Variants in SCN8A observed in about 807,000 individuals in gnomAD.
The protein encoded by SCN8A is sodium voltage-gated channel alpha subunit 8, also known as sodium channel protein type 8 subunit alpha.
In SCN8A, 30 loss-of-function variants were observed where a neutral mutation model predicts 184.1. The ratio of observed to expected loss-of-function variants is 0.16; its 90% CI spans 0.12 to 0.22. SCN8A has a LOEUF of 0.22. Among genes scored for constraint, SCN8A ranks in the 10% least tolerant of loss-of-function variants. The pLI is 1.00. For synonymous variants in SCN8A, 852 were observed against 907.0 expected (o/e 0.94, Z 1.09); for missense variants, 1,057 against 2,498.9 (o/e 0.42, Z 12.30).
At chr12:51,602,438 AG>A in intron 1 of SCN8A, among the ~76,000 whole-genome samples, 1 of 152,318 alleles carries the variant, frequency 6.6e-6, no homozygotes, top group Middle Eastern at 3.4e-3. Context: ...GTGGCTATCA[AG>A]GGTTGTGAGA....
At chr12:51,612,365 T>C (rs1939740457) in intron 1 of SCN8A, among the ~76,000 whole-genome samples, 1 of 152,158 alleles carries the variant, frequency 6.6e-6, no homozygotes, top group African/African-American at 2.4e-5. Flanking sequence ...GGTTTTGCCA[T>C]GTTGCCCAGG....
chr12:51,663,783 T>C (rs984129059), intron 2 of SCN8A, among the ~76,000 whole-genome samples: 9 of 152,176 alleles, frequency 5.9e-5, no homozygotes, highest in African/African-American at 2.2e-4. Context: ...TTCTCATGAT[T>C]ATCTTCTGAA....
chr12:51,713,143 A>G (rs184817618), intron 11 of SCN8A: 32 of 1,209,934 alleles, frequency 2.6e-5, no homozygotes, highest in Middle Eastern at 2.2e-4. Context: ...CATAACTTCT[A>G]TGGTTTCAAT....
intron 6 of SCN8A, among the ~76,000 whole-genome samples, chr12:51,692,123 C>T (rs939118051): frequency 1.3e-5 from 2 of 152,192 alleles, no homozygotes; most frequent in African/African-American, 4.8e-5. Context: ...TTGTCTTCTC[C>T]TCTTCCCAGT....
Position 51,774,338 on chromosome 12 carries a change from T to C in SCN8A, c.3795T>C (p.Cys1265=). 6.2e-7 allele frequency: 1 copy of C among 1,612,406 alleles called. No homozygotes were observed. Among genetic ancestry groups the C allele is most frequent in the Non-Finnish European group, 8.5e-7 (1 of 1,178,960 alleles). The part of the protein sequence containing the change: ...GFVKFFTNAW[C]WLDFLIVAVS... ...TCAAGTTCTTCACCAATGCCTGGTG[T>C]TGGCTGGACTTCCTCATTGTGGCTG... is the stretch of plus-strand genomic sequence containing the variant. Residue 1265 remains cysteine, a synonymous_variant, in exon 20 of 27, where the codon TGT becomes TGC. Coordinates refer to ENST00000627620, the MANE Select transcript of SCN8A (RefSeq NM_001330260.2).
chr12:51,797,232 C>T (rs1050528281), intron 26 of SCN8A, among the ~76,000 whole-genome samples: 1 of 152,174 alleles, frequency 6.6e-6, no homozygotes, highest in Non-Finnish European at 1.5e-5. Context: ...ATCCTTCATA[C>T]AACCAGAAGC....
At chr12:51,762,742 A>G (rs1020123226) in intron 15 of SCN8A, 66 bp downstream of exon 15, 19 of 1,357,592 alleles carry the variant, frequency 1.4e-5, no homozygotes, top group Non-Finnish European at 1.7e-5. Context: ...AGAGTTCTGC[A>G]TAAATTAATT....
At chr12:51,743,393 G>A (rs888216099) in intron 12 of SCN8A, among the ~76,000 whole-genome samples, 6 of 152,132 alleles carry the variant, frequency 3.9e-5, no homozygotes, top group African/African-American at 9.7e-5. Flanking sequence ...TTTGAGCCCC[G>A]AGTCCAATAA....
intron 1 of SCN8A, among the ~76,000 whole-genome samples, chr12:51,605,944 T>G (rs763626018): frequency 6.6e-6 from 1 of 152,174 alleles, no homozygotes. Flanking sequence ...ATGGGATTGT[T>G]TGTTTTTTTT....
At chr12:51,689,393 A>G (rs936632791) in intron 6 of SCN8A, 11 of 313,534 alleles carry the variant, frequency 3.5e-5, no homozygotes, top group African/African-American at 8.5e-5. Context: ...CTCTTTGTAT[A>G]TAAATCATTT....
chr12:51,679,195 G>A (rs1941282137), intron 2 of SCN8A, among the ~76,000 whole-genome samples: 1 of 152,128 alleles, frequency 6.6e-6, no homozygotes, highest in Non-Finnish European at 1.5e-5. Context: ...ATGAGGCCAG[G>A]AGTTCGAGAC....
At chr12:51,620,722 T>G (rs2138595739) in intron 1 of SCN8A, among the ~76,000 whole-genome samples, 1 of 152,102 alleles carries the variant, frequency 6.6e-6, no homozygotes, top group South Asian at 2.1e-4. Context: ...GTGTGGTGAT[T>G]CACGCCTGTA....
chr12:51,705,246 C>T (rs1422189780), intron 9 of SCN8A, among the ~76,000 whole-genome samples, 171 bp from the exon 10 acceptor site: 1 of 152,118 alleles, frequency 6.6e-6, no homozygotes, highest in Non-Finnish European at 1.5e-5. Context: ...TAAGTGAAAC[C>T]ATTCAACCAT....
chr12:51,770,914 T>A (rs1166592445), intron 19 of SCN8A, among the ~76,000 whole-genome samples: 1 of 152,204 alleles, frequency 6.6e-6, no homozygotes, highest in African/African-American at 2.4e-5. Context: ...GTGTCCCCAC[T>A]GCCTGGTTTA....
rs1941795383 is a variant in SCN8A at position 51,706,926 on chromosome 12, C to G, written c.1635+211C>G. Among the ~76,000 whole-genome samples, 6 of 152,098 alleles carry G rather than the reference C, an allele frequency of 3.9e-5. No individual in the cohort carries two copies. The South Asian group carries it at 1.2e-3, about 32-fold the overall frequency. On this transcript the variant is annotated intron_variant, in intron 11 of 26. Coordinates refer to ENST00000627620, the MANE Select transcript of SCN8A (RefSeq NM_001330260.2). ...AGTCTACTCTCTACCTTCAAGAGAT[C>G]CACTTTTTTAGCTCCCACGTATGAG...
At chr12:51,744,285 A>G (rs991748708) in intron 12 of SCN8A, among the ~76,000 whole-genome samples, 1 of 152,240 alleles carries the variant, frequency 6.6e-6, no homozygotes, top group Non-Finnish European at 1.5e-5. Context: ...CCCGAGCGAC[A>G]GAGCAGACTC....
intron 13 of SCN8A, among the ~76,000 whole-genome samples, chr12:51,747,762 T>C (rs570683403): frequency 1.3e-5 from 2 of 152,096 alleles, no homozygotes; most frequent in Non-Finnish European, 2.9e-5. Context: ...ATACAAACCA[T>C]TGGGACGTTT....
intron 13 of SCN8A, among the ~76,000 whole-genome samples, chr12:51,751,060 C>G (rs922370162): frequency 6.6e-6 from 1 of 152,120 alleles, no homozygotes; most frequent in African/African-American, 2.4e-5. Context: ...AGCATTCAAG[C>G]CAGTTGAGGC....
At chr12:51,734,549 C>T (rs1009164715) in intron 12 of SCN8A, among the ~76,000 whole-genome samples, 1 of 152,214 alleles carries the variant, frequency 6.6e-6, no homozygotes, top group Non-Finnish European at 1.5e-5. Context: ...GGTTTTCCAC[C>T]CTGGGCGGGC....
Sources: allele counts gnomAD v4.1 joint callset (sites outside exome capture counted in the v4.1 genomes callset), GRCh38; gene constraint gnomAD v4.1.1; transcripts MANE v1.5; gene names NCBI Gene and HGNC (gene_info 2026-07-23, HGNC 2026-07-21).